THSD7B: variants seen among roughly 807,000 people sequenced by gnomAD.
THSD7B encodes the protein thrombospondin type 1 domain containing 7B, also known as thrombospondin type-1 domain-containing protein 7B.
THSD7B carries 138 observed loss-of-function variants against 213.6 expected under a neutral mutation model. That is an observed-to-expected ratio of 0.65 (90% CI 0.56 to 0.74). THSD7B has a LOEUF of 0.74. Ranked by LOEUF, THSD7B falls within the 30% of genes least tolerant of loss-of-function variation. The pLI, the probability that THSD7B is intolerant of heterozygous loss-of-function variation, is 0.00. For missense variants in THSD7B, 1,931 were observed against 1,991.5 expected (o/e 0.97, Z 0.58); for synonymous variants, 742 against 687.0 (o/e 1.08, Z -1.25).
intron 12 of THSD7B, among the ~76,000 whole-genome samples, chr2:137,291,058 A>G (rs1683325190): frequency 1.3e-5 from 2 of 152,114 alleles, no homozygotes. Context: ...CCTTATTACC[A>G]TGCACACTTT....
chr2:137,223,777 G>C (rs974533897), intron 7 of THSD7B, among the ~76,000 whole-genome samples: 2 of 152,122 alleles, frequency 1.3e-5, no homozygotes, highest in African/African-American at 4.8e-5. Flanking sequence ...TTGTAATCTC[G>C]AATATTGGGA....
chr2:137,400,197 T>C (rs1686319377), intron 12 of THSD7B, among the ~76,000 whole-genome samples: 1 of 152,224 alleles, frequency 6.6e-6, no homozygotes. Flanking sequence ...CTAAAACATG[T>C]ACTTTTGATT....
At chr2:136,908,291 T>C (rs1163990343) in intron 2 of THSD7B, among the ~76,000 whole-genome samples, 1 of 152,224 alleles carries the variant, frequency 6.6e-6, no homozygotes, top group East Asian at 1.9e-4. Context: ...TTTATGTTGA[T>C]TGGCCAGTTG....
chr2:136,976,384 G>A (rs1169947123), intron 2 of THSD7B, among the ~76,000 whole-genome samples: 1 of 152,178 alleles, frequency 6.6e-6, no homozygotes, highest in Non-Finnish European at 1.5e-5. Flanking sequence ...ATGAAGGGAT[G>A]TTGAATTCTA....
At chr2:137,499,827 C>G (rs1490442943) in intron 15 of THSD7B, among the ~76,000 whole-genome samples, 7 of 152,084 alleles carry the variant, frequency 4.6e-5, no homozygotes, top group Admixed American at 6.6e-5. Flanking sequence ...ACATACACAC[C>G]AGAGGACTAT....
chr2:137,134,827 T>C (rs1174114019), intron 5 of THSD7B, among the ~76,000 whole-genome samples: 1 of 152,184 alleles, frequency 6.6e-6, no homozygotes, highest in Non-Finnish European at 1.5e-5. Flanking sequence ...TCTACCCTTT[T>C]TCAGATGTAG....
At chr2:137,405,552 A>G in intron 12 of THSD7B, 61 bp from the exon 13 acceptor site, 1 of 1,478,438 alleles carries the variant, frequency 6.8e-7, no homozygotes, top group Non-Finnish European at 9.1e-7. Flanking sequence ...GTCTTGTCAA[A>G]GAACCAGCAG....
intron 1 of THSD7B, among the ~76,000 whole-genome samples, chr2:136,809,148 T>C (rs1286814484): frequency 1.3e-5 from 2 of 152,146 alleles, no homozygotes; most frequent in East Asian, 3.9e-4. Context: ...TATAAAGTAA[T>C]GATAAATGTC....
chr2:137,211,817 G>A (rs1267249811), intron 7 of THSD7B, among the ~76,000 whole-genome samples: 1 of 152,012 alleles, frequency 6.6e-6, no homozygotes, highest in African/African-American at 2.4e-5. Context: ...ATTTGCATAT[G>A]CACCTGCCTA....
chr2:136,765,635 A>G lies in THSD7B; in HGVS notation c.-88A>G, dbSNP rs1436190592. 1 of 150,894 alleles carries G rather than the reference A, an allele frequency of 6.6e-6. No individual in the cohort carries two copies. Among genetic ancestry groups the G allele is most frequent in the Non-Finnish European group, 1.5e-5 (1 of 67,946 alleles). The allele number at this position is 150,894 out of a possible 1,614,324, so 9.3% of individuals were successfully genotyped here. On this transcript the variant is annotated 5_prime_UTR_variant, in exon 1 of 28. Transcript: ENST00000409968. ...ACCACCATCTTTCTTGCGCTCGGGA[A>G]GCTCGGGGCTCAGCGGCTCCCAGAG...
At chr2:137,652,247 G>A (rs962820219) in intron 21 of THSD7B, among the ~76,000 whole-genome samples, 2 of 151,898 alleles carry the variant, frequency 1.3e-5, no homozygotes, top group South Asian at 2.1e-4. Context: ...CCAGTGTTGG[G>A]TCTATCAACA....
intron 12 of THSD7B, among the ~76,000 whole-genome samples, chr2:137,357,284 C>T (rs537067882): frequency 3.3e-5 from 5 of 152,136 alleles, no homozygotes; most frequent in South Asian, 2.1e-4. Flanking sequence ...TTTCCCTATT[C>T]GAAACAGCTA....
At chr2:136,851,087 A>T (rs1052797192) in intron 1 of THSD7B, among the ~76,000 whole-genome samples, 1 of 152,034 alleles carries the variant, frequency 6.6e-6, no homozygotes, top group Admixed American at 6.6e-5. Context: ...TGTCTTTCAA[A>T]AATATATTGG....
intron 1 of THSD7B, among the ~76,000 whole-genome samples, chr2:136,786,869 T>C (rs1430089613): frequency 6.6e-6 from 1 of 152,174 alleles, no homozygotes; most frequent in Non-Finnish European, 1.5e-5. Context: ...AGAAAGCTAT[T>C]TTGAATCAAA....
intron 1 of THSD7B, among the ~76,000 whole-genome samples, chr2:136,795,630 A>C (rs1443345209): frequency 6.6e-6 from 1 of 151,880 alleles, no homozygotes; most frequent in African/African-American, 2.4e-5. Context: ...TAATTTGACT[A>C]TTCATCCATT....
intron 15 of THSD7B, among the ~76,000 whole-genome samples, chr2:137,554,761 C>A (rs918266465): frequency 2.6e-5 from 4 of 152,114 alleles, no homozygotes; most frequent in African/African-American, 9.7e-5. Flanking sequence ...ATCACCTCAC[C>A]CGGGAAGCAC....
rs528575544 is a variant in THSD7B, at chr2:137,472,347, A to G, written c.3138+21324A>G. Among the ~76,000 whole-genome samples, 253 of 152,326 alleles carry G rather than the reference A, an allele frequency of 1.7e-3. 1 individual carries two copies. The highest frequency in any genetic ancestry group is 5.5e-3 in the African/African-American group (227 of 41,576). ...TAAAAATTATTGAGGACCTAAAAGA[A>G]CTTTTACTTATATAGCTTCTATCCA... On this transcript the variant is annotated intron_variant, in intron 15 of 27. Transcript: ENST00000409968.
intron 12 of THSD7B, among the ~76,000 whole-genome samples, chr2:137,399,341 C>T (rs535555160): frequency 7.9e-5 from 12 of 152,090 alleles, no homozygotes; most frequent in East Asian, 7.8e-4. Flanking sequence ...TACAGGTATG[C>T]GCAGCCACGC....
chr2:137,489,353 G>A lies in THSD7B; in HGVS notation c.3138+38330G>A, dbSNP rs532933456. The stretch of plus-strand genomic sequence containing the variant: ...GGCAGGAGATTGCCTGAACCTGGGA[G>A]GCAGAGATTGCAGTGAGCCAAGATC... On this transcript the variant is annotated intron_variant, in intron 15 of 27. Transcript: ENST00000409968. Among the ~76,000 whole-genome samples the A allele has an allele frequency of 4.6e-5, 7 of 151,884 alleles. No individual in the cohort carries two copies. The South Asian group carries it at 1.5e-3, about 32-fold the overall frequency.
Sources: gnomAD v4.1 joint callset for allele counts (sites outside exome capture counted in the v4.1 genomes callset) on GRCh38, gnomAD v4.1.1 for gene constraint, MANE v1.5 for transcripts, NCBI Gene and HGNC (gene_info 2026-07-23, HGNC 2026-07-21) for gene names.